Variants in MGST2 observed in about 807,000 individuals in gnomAD.
The protein encoded by MGST2 is glutathione peroxidase MGST2.
In MGST2, 9 loss-of-function variants were observed where a neutral mutation model predicts 16.6. The ratio of observed to expected loss-of-function variants is 0.54; its 90% CI spans 0.33 to 0.95. The LOEUF is 0.95. Among genes scored for constraint, MGST2 ranks in the 40% least tolerant of loss-of-function variants. The pLI is 0.03. For synonymous variants in MGST2, 79 were observed against 68.0 expected, an observed-to-expected ratio of 1.16 and a Z score of -0.79; for missense variants, 159 against 175.1, an observed-to-expected ratio of 0.91 and a Z score of 0.52.
intron 5 of MGST2, among the ~76,000 whole-genome samples, chr4:139,728,470 C>T (rs1316248674): frequency 6.6e-6 from 1 of 152,216 alleles, no homozygotes; most frequent in African/African-American, 2.4e-5. Flanking sequence ...AAAGCAGCTA[C>T]ATGAGGTGGG....
At chr4:139,717,377 T>C (rs1367892145) in intron 5 of MGST2, 2 of 152,558 alleles carry the variant, frequency 1.3e-5, no homozygotes, top group African/African-American at 4.8e-5. Context: ...ATTTGTTTGT[T>C]TGCTTTTTTT....
At chr4:139,726,819 C>G (rs1728491230) in intron 5 of MGST2, among the ~76,000 whole-genome samples, 1 of 152,096 alleles carries the variant, frequency 6.6e-6, no homozygotes, top group Non-Finnish European at 1.5e-5. Flanking sequence ...TACCAATATG[C>G]TGGGAAGGCT....
At chr4:139,737,224 A>T (rs886237642) in intron 5 of MGST2, among the ~76,000 whole-genome samples, 1 of 152,220 alleles carries the variant, frequency 6.6e-6, no homozygotes, top group Non-Finnish European at 1.5e-5. Context: ...GAGTTCTTCA[A>T]ATATGAAGAA....
intron 2 of MGST2, among the ~76,000 whole-genome samples, chr4:139,681,994 C>T (rs1018575224): frequency 6.6e-6 from 1 of 152,114 alleles, no homozygotes; most frequent in African/African-American, 2.4e-5. Flanking sequence ...AGTTCAAGAG[C>T]AGCCTGGGCA....
chr4:139,703,674 C>G, intron 4 of MGST2, 138 bp downstream of exon 4: 2 of 829,988 alleles, frequency 2.4e-6, no homozygotes, highest in South Asian at 2.9e-5. Context: ...GAGGTCAAGT[C>G]TTGCCAGTTC....
At chr4:139,719,743 C>T (rs758956178) in intron 5 of MGST2, 8 of 1,613,664 alleles carry the variant, frequency 5.0e-6, no homozygotes, top group East Asian at 4.5e-5. Flanking sequence ...GGAAGTGCTG[C>T]TTGGTCAGTC....
intron 3 of MGST2, among the ~76,000 whole-genome samples, chr4:139,700,423 G>T (rs1275830571): frequency 6.6e-6 from 1 of 152,062 alleles, no homozygotes; most frequent in Non-Finnish European, 1.5e-5. Context: ...GAGCCACCAC[G>T]CCCGGCCACC....
At chr4:139,678,363 T>C (rs534296412) in intron 1 of MGST2, among the ~76,000 whole-genome samples, 180 bp from the exon 2 acceptor site, 1 of 152,362 alleles carries the variant, frequency 6.6e-6, no homozygotes, top group South Asian at 2.1e-4. Context: ...ACCAGCATTG[T>C]ATGAAAGTTT....
At chr4:139,675,585 G>A (rs1730917101) in intron 1 of MGST2, among the ~76,000 whole-genome samples, 1 of 152,216 alleles carries the variant, frequency 6.6e-6, no homozygotes, top group Admixed American at 6.5e-5. Context: ...CAGAGCCCTG[G>A]CAATGGAAAG....
intron 5 of MGST2, among the ~76,000 whole-genome samples, chr4:139,712,209 T>C (rs1374706393): frequency 6.6e-6 from 1 of 152,232 alleles, no homozygotes; most frequent in East Asian, 1.9e-4. Flanking sequence ...GGCAGCTGAT[T>C]GCAATGTGCC....
At chr4:139,726,797 T>G (rs780734215) in intron 5 of MGST2, among the ~76,000 whole-genome samples, 1 of 152,232 alleles carries the variant, frequency 6.6e-6, no homozygotes, top group Non-Finnish European at 1.5e-5. Flanking sequence ...GATGCTGCAC[T>G]GCTAGTGTTG....
rs755265489 is a variant in MGST2 at position 139,691,700 on chromosome 4, T to TG, written c.159-3497_159-3496insG. On this transcript the variant is annotated intron_variant, in intron 2 of 4. Transcript: ENST00000265498. ...TGATGATGATGATGATGATGATGAT[T>TG]ATTATTATTATTATTTGAGACGGAA... 3.2e-3 allele frequency among the ~76,000 whole-genome samples: 415 copies of TG among 128,838 alleles called. 2 individuals carry two copies. Among genetic ancestry groups the TG allele is most frequent in the Middle Eastern group, 8.1e-3 (2 of 248 alleles). 84.5% of individuals were successfully genotyped at this position (128,838 alleles called of 152,430 possible). A position where few individuals can be genotyped will look rare whatever the true frequency, so the allele number is the denominator to read the frequency against.
intron 5 of MGST2, among the ~76,000 whole-genome samples, chr4:139,721,563 T>G (rs1183544109): frequency 6.6e-6 from 1 of 152,236 alleles, no homozygotes; most frequent in African/African-American, 2.4e-5. Context: ...CATGTTTTTG[T>G]CTTCCTGATG....
chr4:139,697,446 G>C (rs1726990577), intron 3 of MGST2, among the ~76,000 whole-genome samples: 1 of 152,076 alleles, frequency 6.6e-6, no homozygotes, highest in Non-Finnish European at 1.5e-5. Context: ...TGCTTCTCCT[G>C]TTATCTTGAT....
At chr4:139,678,122 G>A (rs1281303846) in intron 1 of MGST2, among the ~76,000 whole-genome samples, 2 of 152,200 alleles carry the variant, frequency 1.3e-5, no homozygotes, top group Admixed American at 6.5e-5. Context: ...TGAAATAAAT[G>A]TGTGTGATCT....
Position 139,704,168 on chromosome 4 carries a change from T to C in MGST2, c.*20T>C, listed in dbSNP as rs544092151. 16 of 1,613,780 alleles carry C rather than the reference T, an allele frequency of 9.9e-6. No homozygotes were observed. In the East Asian group the frequency reaches 3.3e-4, roughly 34 times the overall value. ...TTCTAACTTTTTCTCTTCCCTTTAA[T>C]ACTTGCAGAAGCTGTTCCCACCATG... On this transcript the variant is annotated 3_prime_UTR_variant, in exon 5 of 5. Transcript: ENST00000265498.
intron 2 of MGST2, among the ~76,000 whole-genome samples, chr4:139,682,662 C>G (rs923494815): frequency 6.6e-6 from 1 of 152,130 alleles, no homozygotes; most frequent in African/African-American, 2.4e-5. Flanking sequence ...ATCCTGTTTG[C>G]TTTGCTGAGA....
At position 139,702,844 on chromosome 4, in the gene MGST2, G is replaced by GTTTTTTTTTTTTTTTTTTTTTT. The variant is rs70943436; in HGVS notation, c.230-606_230-585dup. ...TCCTCACCAACATTTTGTGTTACTG[G>GTTTTTTTTTTTTTTTTTTTTTT]TTTTTTTTTTTTTTTTTTTTTTTTT... On this transcript the variant is annotated intron_variant, in intron 3 of 4. Coordinates refer to ENST00000265498, the MANE Select transcript of MGST2 (RefSeq NM_002413.5). Among the ~76,000 whole-genome samples, 161 of 46,422 alleles carry GTTTTTTTTTTTTTTTTTTTTTT rather than the reference G, an allele frequency of 3.5e-3. 11 individuals are homozygous for GTTTTTTTTTTTTTTTTTTTTTT. The highest frequency in any genetic ancestry group is 3.8e-3 in the Non-Finnish European group (85 of 22,452). The allele number at this position is 46,422 out of a possible 152,430, so 30.5% of individuals were successfully genotyped here.
At chr4:139,676,913 G>T (rs1480043899) in intron 1 of MGST2, among the ~76,000 whole-genome samples, 1 of 152,188 alleles carries the variant, frequency 6.6e-6, no homozygotes, top group African/African-American at 2.4e-5. Flanking sequence ...ATGCAGCAAG[G>T]CCTTCCCTTG....
Sources: allele counts gnomAD v4.1 joint callset (sites outside exome capture counted in the v4.1 genomes callset), GRCh38; gene constraint gnomAD v4.1.1; transcripts MANE v1.5; gene names NCBI Gene and HGNC (gene_info 2026-07-23, HGNC 2026-07-21).